Variants in RASAL1 observed in about 807,000 individuals in gnomAD.
RASAL1 encodes RAS protein activator like 1.
In RASAL1, 72 loss-of-function variants were observed where a neutral mutation model predicts 96.6. That is an observed-to-expected ratio of 0.75 (90% CI 0.62 to 0.91). The LOEUF is 0.91. Ranked by LOEUF, RASAL1 falls within the 40% of genes least tolerant of loss-of-function variation. RASAL1 has a pLI of 0.00. For missense variants in RASAL1, 1,016 were observed against 1,072.5 expected (o/e 0.95, Z 0.74); for synonymous variants, 405 against 430.4 (o/e 0.94, Z 0.73).
In RASAL1 at chr12:113,105,834, T is replaced by C. The variant is rs1312392378; in HGVS notation, c.1710A>G (p.Glu570=). ...CCTCCTTGCGCTTCAGCAGATAGCCTTCTCGAACAATGGCCGAGGGCGGGA... is the reference window on the plus strand; with the variant it reads ...CCTCCTTGCGCTTCAGCAGATAGCCCTCTCGAACAATGGCCGAGGGCGGGA... ...ALFPPSAIVR[E]GYLLKRKEEP... Residue 570 remains glutamate, a synonymous_variant, in exon 16 of 21, where the codon GAA becomes GAG. Coordinates refer to ENST00000548055, the MANE Select transcript of RASAL1 (RefSeq NM_001301202.2). The C allele has an allele frequency of 2.5e-6, 4 of 1,613,976 alleles. No homozygotes were observed. The South Asian group carries it at 4.4e-5, about 18-fold the overall frequency.
chr12:113,100,073 G>A lies in RASAL1; in HGVS notation c.2279-5C>T. ...CCAGGACCTCAGGACAGGCCCCTAG[G>A]AGGGAGACAAGAGGCCACAGGGGCT... is the stretch of plus-strand genomic sequence containing the variant. On this transcript the variant is annotated splice_region_variant and splice_polypyrimidine_tract_variant and intron_variant, in intron 20 of 20. Transcript: ENST00000548055. 1.3e-6 allele frequency: 2 copies of A among 1,598,130 alleles called. No individual in the cohort carries two copies. The highest frequency in any genetic ancestry group is 1.7e-6 in the Non-Finnish European group (2 of 1,171,086).
chr12:113,107,476 A>G, intron 14 of RASAL1: 1 of 618,822 alleles, frequency 1.6e-6, no homozygotes, highest in Admixed American at 2.2e-5. Flanking sequence ...TGCAAAAATT[A>G]GCTGGTCGTG....
chr12:113,116,126 T>C, intron 8 of RASAL1, 75 bp from the exon 9 acceptor site: 3 of 1,301,864 alleles, frequency 2.3e-6, no homozygotes, highest in Non-Finnish European at 3.1e-6. Flanking sequence ...TCCCAGCATT[T>C]TGGGAGGCCA....
At position 113,119,132 on chromosome 12, in the gene RASAL1, C is replaced by A. The variant is rs1018777565; in HGVS notation, c.638G>T (p.Gly213Val). ...ATTGTAGGGAATGAGGCTCACCATG[C>A]CCAAGAAGTCATTCTTGCCCACCAT... ...WDMVGKNDFL[G>V]MVEFSPKTLQ... Residue 213 changes from glycine (G) to valine (V), a missense_variant, in exon 7 of 21, where the codon GGC becomes GTC. Coordinates refer to ENST00000548055, the MANE Select transcript of RASAL1 (RefSeq NM_001301202.2). 6.2e-7 allele frequency: 1 copy of A among 1,607,442 alleles called. No homozygotes were observed. Among genetic ancestry groups the A allele is most frequent in the Non-Finnish European group, 8.5e-7 (1 of 1,176,198 alleles).
upstream of RASAL1, chr12:113,135,962 T>A (rs1325870139): frequency 6.2e-6 from 1 of 160,910 alleles, no homozygotes; most frequent in Non-Finnish European, 1.4e-5. The surrounding 1 kb of genome is among the most constrained non-coding windows in gnomAD (Gnocchi z 5.7). Context: ...CGCTGGCTCC[T>A]GGTGAGTTGG....
Position 113,128,158 on chromosome 12 carries a change from C to G in RASAL1, c.143G>C (p.Ser48Thr). 1 of 1,613,626 alleles carries G rather than the reference C, an allele frequency of 6.2e-7. No individual in the cohort carries two copies. Among genetic ancestry groups the G allele is most frequent in the South Asian group, 1.1e-5 (1 of 91,080 alleles). Reference sequence around the variant, plus strand: ...CTCCTCCCCCCAGAAGGGGCCCAGGCTCCTCCAGACAGTAGCTGTCCTGCA... The same window carrying G: ...CTCCTCCCCCCAGAAGGGGCCCAGGGTCCTCCAGACAGTAGCTGTCCTGCA... The part of the protein sequence containing the change: ...VVARTATVWR[S>T]LGPFWGEEYT... The change falls in exon 3 of 21, where the codon AGC becomes ACC. Residue 48 changes from serine to threonine, a missense_variant. Coordinates refer to ENST00000548055, the MANE Select transcript of RASAL1 (RefSeq NM_001301202.2).
rs370790688 is a variant in RASAL1, at chr12:113,130,867, C to T, written c.122+18G>A. The T allele has an allele frequency of 4.3e-4, 696 of 1,609,632 alleles. 9 individuals carry two copies. The South Asian group carries it at 6.6e-3, about 15-fold the overall frequency. On this transcript the variant is annotated intron_variant, in intron 2 of 20. Transcript: ENST00000548055. The surrounding 1 kb of genome is among the most constrained non-coding windows in gnomAD (Gnocchi z 5.1). Reference sequence around the variant, plus strand: ...AGACCCCTCCCTTCCTCCTCTCCCCCGTGTCGCCACCCCTCACCTGGCCAC... The same window carrying T: ...AGACCCCTCCCTTCCTCCTCTCCCCTGTGTCGCCACCCCTCACCTGGCCAC...
Position 113,107,179 on chromosome 12 carries a change from G to A in RASAL1, c.1575C>T (p.Ala525=). 3.1e-6 allele frequency: 5 copies of A among 1,613,712 alleles called. No individual in the cohort carries two copies. The highest frequency in any genetic ancestry group is 4.2e-6 in the Non-Finnish European group (5 of 1,179,748). The part of the protein sequence containing the change: ...QLGQGKELWM[A]PLHPFLLQCV... ...ACTGCAGCAGGAAGGGGTGCAGGGG[G>A]GCCATCCACAGTTCCTTGCCTTGGC... is the stretch of plus-strand genomic sequence containing the variant. The change falls in exon 15 of 21, where the codon GCC becomes GCT. Residue 525 remains alanine, a synonymous_variant. Coordinates refer to ENST00000548055, the MANE Select transcript of RASAL1 (RefSeq NM_001301202.2).
At chr12:113,104,344 C>A (rs1183537446) in intron 16 of RASAL1, 46 bp from the exon 17 acceptor site, 2 of 1,346,390 alleles carry the variant, frequency 1.5e-6, no homozygotes, top group Non-Finnish European at 2.1e-6. Context: ...GGGCTAGGGC[C>A]GGGGTGGGGA....
intron 1 of RASAL1, among the ~76,000 whole-genome samples, chr12:113,131,797 T>C (rs1406920303): frequency 6.6e-6 from 1 of 152,160 alleles, no homozygotes; most frequent in East Asian, 1.9e-4. Context: ...CCTTTGCACC[T>C]GCTGTTCCCT....
intron 12 of RASAL1, among the ~76,000 whole-genome samples, chr12:113,114,124 T>C (rs1323420923): frequency 2.0e-5 from 3 of 152,132 alleles, no homozygotes; most frequent in Non-Finnish European, 4.4e-5. Flanking sequence ...TTAGAAGTAG[T>C]GTGTGCATTA....
chr12:113,112,919 T>A (rs923476922), intron 12 of RASAL1, among the ~76,000 whole-genome samples: 2 of 151,450 alleles, frequency 1.3e-5, no homozygotes, highest in Non-Finnish European at 2.9e-5. Context: ...ACCACTGCAC[T>A]GCAGCCTGGG....
chr12:113,099,951 G>A lies in RASAL1; in HGVS notation c.2396C>T (p.Ala799Val). 2 of 1,612,320 alleles carry A rather than the reference G, an allele frequency of 1.2e-6. No individual in the cohort carries two copies. Among genetic ancestry groups the A allele is most frequent in the Non-Finnish European group, 1.7e-6 (2 of 1,179,100 alleles). Residue 799 changes from alanine (A) to valine (V), a missense_variant, in exon 21 of 21, where the codon GCC becomes GTC. Ala to Val is a moderately conservative substitution (Grantham distance 64). Coordinates refer to ENST00000548055, the MANE Select transcript of RASAL1 (RefSeq NM_001301202.2). ...EFQQQERGKA[A>V]LGPLGP Reference sequence around the variant, plus strand: ...TCCTTAGGGGCCAAGGGGGCCCAGGGCCGCCTTCCCTCGCTCCTGCTGCTG... The same window carrying A: ...TCCTTAGGGGCCAAGGGGGCCCAGGACCGCCTTCCCTCGCTCCTGCTGCTG...
At chr12:113,100,139 G>T in intron 20 of RASAL1, 71 bp from the exon 21 acceptor site, 1 of 1,457,058 alleles carries the variant, frequency 6.9e-7, no homozygotes, top group Non-Finnish European at 9.2e-7. Context: ...GGACCCAATG[G>T]TTTCTCATGC....
At chr12:113,107,521 G>A in intron 14 of RASAL1, 1 of 553,738 alleles carries the variant, frequency 1.8e-6, no homozygotes. Flanking sequence ...TACTCCAGAA[G>A]CTGAGGTGGG....
chr12:113,132,493 G>A (rs1161913303), intron 1 of RASAL1, among the ~76,000 whole-genome samples: 2 of 152,158 alleles, frequency 1.3e-5, no homozygotes, highest in African/African-American at 4.8e-5. Flanking sequence ...ACCCAGGTTT[G>A]TGGGCTCACA....
In RASAL1 at chr12:113,115,466, C is replaced by T. The variant is rs1460102758; in HGVS notation, c.1003+169G>A. Among the ~76,000 whole-genome samples, 1 of 152,158 alleles carries T rather than the reference C, an allele frequency of 6.6e-6. No homozygotes were observed. Among genetic ancestry groups the T allele is most frequent in the African/African-American group, 2.4e-5 (1 of 41,430 alleles). On this transcript the variant is annotated intron_variant, in intron 10 of 20. Transcript: ENST00000548055. The surrounding 1 kb of genome is among the most constrained non-coding windows in gnomAD (Gnocchi z 4.1). ...CAGCCCACAAGTAGCAAAGCCAGGG[C>T]CTGAACCTGCAATTGGGCTCCCAAC...
intron 4 of RASAL1, 107 bp from the exon 5 acceptor site, chr12:113,121,745 A>C: frequency 7.8e-7 from 1 of 1,280,770 alleles, no homozygotes; most frequent in Non-Finnish European, 1.1e-6. Flanking sequence ...TTTTTGACAC[A>C]GGGTCTGGTT....
intron 13 of RASAL1, among the ~76,000 whole-genome samples, chr12:113,110,565 G>A (rs1361610923): frequency 6.6e-6 from 1 of 152,196 alleles, no homozygotes; most frequent in African/African-American, 2.4e-5. Flanking sequence ...GTTTTGTAAT[G>A]CATGACCCAA....
Sources: gnomAD v4.1 joint callset for allele counts (sites outside exome capture counted in the v4.1 genomes callset) on GRCh38, gnomAD v4.1.1 for gene constraint, Gnocchi (gnomAD v3.1) non-coding constraint, MANE v1.5 for transcripts, NCBI Gene and HGNC (gene_info 2026-07-23, HGNC 2026-07-21) for gene names.